The following PCDH11Y variants were observed in gnomAD, a reference collection of about 807,000 sequenced individuals.
The protein encoded by PCDH11Y is protocadherin-11 Y-linked.
For missense variants in PCDH11Y, 12 were observed against 224.8 expected (o/e 0.05, Z 6.05); for synonymous variants, 9 against 83.6 (o/e 0.11, Z 4.87).
chrY:5,108,684 C>A (rs34545349), downstream of PCDH11Y, among the ~76,000 whole-genome samples: 1 of 24,204 alleles, frequency 4.1e-5, no homozygotes, highest in Non-Finnish European at 9.1e-5. Context: ...GAGGCGGAGC[C>A]TGCAGTGAGC....
chrY:5,013,035 G>C, intron 1 of PCDH11Y, among the ~76,000 whole-genome samples: 3 of 30,650 alleles, frequency 9.8e-5, no homozygotes, highest in Admixed American at 3.0e-4. Flanking sequence ...ATTTTTAGTA[G>C]AGAGGGGGTT....
intron 3 of PCDH11Y, among the ~76,000 whole-genome samples, chrY:5,541,730 TC>T (rs2053407057): frequency 1.2e-3 from 29 of 24,740 alleles, no homozygotes; most frequent in African/African-American, 4.0e-3. Context: ...TTTCTTTCTT[TC>T]TTTCTTTCTT....
chrY:5,543,987 G>T (rs2053410602), intron 3 of PCDH11Y, among the ~76,000 whole-genome samples: 24 of 33,470 alleles, frequency 7.2e-4, no homozygotes, highest in African/African-American at 2.6e-3. Flanking sequence ...CATCTGTAAT[G>T]CATGGTAGCA....
chrY:5,386,310 G>C, intron 2 of PCDH11Y, among the ~76,000 whole-genome samples: 5 of 32,418 alleles, frequency 1.5e-4, no homozygotes, highest in Non-Finnish European at 3.7e-4. Flanking sequence ...CTTGACTTTT[G>C]ATAACATGAT....
intron 3 of PCDH11Y, among the ~76,000 whole-genome samples, chrY:5,521,221 TG>T: frequency 3.2e-5 from 1 of 31,738 alleles, no homozygotes. Context: ...TTGCCCAGGC[TG>T]GAGTGCAGTG....
chrY:5,645,799 C>A (rs2053526831), intron 4 of PCDH11Y, among the ~76,000 whole-genome samples: 157 of 29,659 alleles, frequency 5.3e-3, no homozygotes, highest in African/African-American at 0.02. Context: ...TATCCTCTCA[C>A]CCCAGTTAAA....
At chrY:5,442,319 T>C in intron 2 of PCDH11Y, among the ~76,000 whole-genome samples, 1 of 32,835 alleles carries the variant, frequency 3.0e-5, no homozygotes, top group Non-Finnish European at 7.5e-5. Flanking sequence ...TTGCATATAA[T>C]TTCTATCCTT....
intron 2 of PCDH11Y, among the ~76,000 whole-genome samples, chrY:5,463,956 G>A: frequency 6.0e-5 from 2 of 33,460 alleles, no homozygotes; most frequent in African/African-American, 1.2e-4. Context: ...TTCTGAGGAC[G>A]GTAAGGTAGG....
chrY:5,428,237 A>G, intron 2 of PCDH11Y, among the ~76,000 whole-genome samples: 1 of 33,214 alleles, frequency 3.0e-5, no homozygotes, highest in African/African-American at 1.2e-4. Context: ...GATACACTAA[A>G]TTGAAGGAAG....
downstream of PCDH11Y, among the ~76,000 whole-genome samples, chrY:5,102,725 A>G: frequency 3.0e-5 from 1 of 32,887 alleles, no homozygotes; most frequent in African/African-American, 1.2e-4. Context: ...ATTTTATATC[A>G]TATAACTAAG....
downstream of PCDH11Y, among the ~76,000 whole-genome samples, chrY:5,107,946 C>T (rs1474547241): frequency 3.2e-5 from 1 of 30,790 alleles, no homozygotes; most frequent in Non-Finnish European, 7.8e-5. Context: ...GTAGTCCCAG[C>T]TACTTGAGAG....
At chrY:5,361,078 C>T in intron 2 of PCDH11Y, among the ~76,000 whole-genome samples, 2 of 30,329 alleles carry the variant, frequency 6.6e-5, no homozygotes, top group Non-Finnish European at 1.6e-4. Flanking sequence ...AATGTTACTT[C>T]ACATGTGAAA....
intron 2 of PCDH11Y, among the ~76,000 whole-genome samples, chrY:5,449,788 C>T: frequency 3.0e-5 from 1 of 33,474 alleles, no homozygotes; most frequent in African/African-American, 1.2e-4. Context: ...GTGAAAATCA[C>T]ACTTACAATG....
At chrY:5,249,611 A>G in intron 2 of PCDH11Y, among the ~76,000 whole-genome samples, 3 of 33,485 alleles carry the variant, frequency 9.0e-5, no homozygotes, top group African/African-American at 2.3e-4. Context: ...CTTAGGCAAT[A>G]CCATTCAGGA....
intron 2 of PCDH11Y, among the ~76,000 whole-genome samples, chrY:5,346,727 C>T: frequency 3.1e-5 from 1 of 32,754 alleles, no homozygotes; most frequent in Non-Finnish European, 7.5e-5. Context: ...GAACTCCTGA[C>T]CTCAGGTGAT....
At chrY:5,213,542 A>G (rs2052941704) in intron 2 of PCDH11Y, among the ~76,000 whole-genome samples, 1 of 32,358 alleles carries the variant, frequency 3.1e-5, no homozygotes, top group African/African-American at 1.2e-4. Flanking sequence ...GGTTTTCTGC[A>G]CCTATTACCT....
At chrY:5,118,517 C>T in intron 2 of PCDH11Y, among the ~76,000 whole-genome samples, 1 of 31,763 alleles carries the variant, frequency 3.1e-5, no homozygotes, top group Non-Finnish European at 7.6e-5. Context: ...AGTGAGCCAC[C>T]GCACCTGGCC....
downstream of PCDH11Y, among the ~76,000 whole-genome samples, chrY:5,108,500 T>C (rs1602868855): frequency 7.1e-3 from 226 of 31,777 alleles, no homozygotes; most frequent in Admixed American, 0.034. Context: ...GTAATCCCAG[T>C]ACTTTGGGAG....
At chrY:5,253,897 C>T in intron 2 of PCDH11Y, among the ~76,000 whole-genome samples, 3 of 33,184 alleles carry the variant, frequency 9.0e-5, no homozygotes, top group Non-Finnish European at 2.2e-4. Flanking sequence ...ATGCTCGAAT[C>T]CTTCTCCCAT....
Sources: allele counts gnomAD v4.1 joint callset (sites outside exome capture counted in the v4.1 genomes callset), GRCh38; gene constraint gnomAD v4.1.1; transcripts MANE v1.5; gene names NCBI Gene and HGNC (gene_info 2026-07-23, HGNC 2026-07-21).